PDZD8: variants seen among roughly 807,000 people sequenced by gnomAD.
PDZD8 encodes PDZ domain containing 8.
A neutral mutation model predicts 85.8 loss-of-function variants in PDZD8; 14 were observed. That is an observed-to-expected ratio of 0.16 (90% confidence interval 0.11 to 0.26). PDZD8 has a LOEUF of 0.26. Ranked by LOEUF, PDZD8 falls within the 10% of genes least tolerant of loss-of-function variation. The pLI is 1.00. For synonymous variants in PDZD8, 592 were observed against 568.6 expected, an observed-to-expected ratio of 1.04 and a Z score of -0.59; for missense variants, 1,197 against 1,424.3, an observed-to-expected ratio of 0.84 and a Z score of 2.57.
intron 1 of PDZD8, among the ~76,000 whole-genome samples, chr10:117,345,906 T>A (rs985864455): frequency 8.5e-5 from 13 of 152,118 alleles, no homozygotes; most frequent in African/African-American, 3.1e-4. Flanking sequence ...CATAAATATG[T>A]TCATGGAAAA....
chr10:117,321,432 G>A (rs181613434), intron 2 of PDZD8, among the ~76,000 whole-genome samples: 16 of 152,186 alleles, frequency 1.1e-4, no homozygotes, highest in Admixed American at 2.0e-4. Context: ...AAAATATCTT[G>A]AATAGGCAAA....
At chr10:117,336,857 T>C (rs777546280) in intron 2 of PDZD8, among the ~76,000 whole-genome samples, 2 of 151,936 alleles carry the variant, frequency 1.3e-5, no homozygotes, top group African/African-American at 2.4e-5. Flanking sequence ...ACTGCTGTGG[T>C]TTTCTGTATT....
At chr10:117,367,823 G>A (rs1216967946) in intron 1 of PDZD8, among the ~76,000 whole-genome samples, 1 of 152,036 alleles carries the variant, frequency 6.6e-6, no homozygotes, top group Non-Finnish European at 1.5e-5. Context: ...GGGAGGCTGA[G>A]GCAGGAGAAC....
rs1466828287 is a variant in PDZD8, at chr10:117,285,192, T to C, written c.1541A>G (p.Glu514Gly). The C allele has an allele frequency of 6.2e-7, 1 of 1,614,202 alleles. No homozygotes were observed. The highest frequency in any genetic ancestry group is 1.1e-5 in the South Asian group (1 of 91,090). Residue 514 changes from glutamate to glycine, a missense_variant, in exon 5 of 5, where the codon GAG (glutamate) becomes GGG (glycine). Glu to Gly is a moderately conservative substitution (Grantham distance 98). This residue lies in a region of PDZD8 where 263 missense variants were observed against 261.9 expected (regional missense o/e 1.00). Coordinates refer to ENST00000334464, the MANE Select transcript of PDZD8 (RefSeq NM_173791.5). ...GGGACTATGACTTAATGATTGTGCC[T>C]CATCTTTGAACTCATTTTGTGCTCT... Reference protein sequence around the residue: ...DVRAQNEFKDEAQSLSHSPKR... With the variant: ...DVRAQNEFKDGAQSLSHSPKR...
At chr10:117,319,024 T>A in intron 2 of PDZD8, 50 bp from the exon 3 acceptor site, 1 of 1,277,382 alleles carries the variant, frequency 7.8e-7, no homozygotes, top group Non-Finnish European at 1.1e-6. Context: ...TTATATTCAT[T>A]AAAATTTTTC....
chr10:117,301,276 G>A (rs1329270940), intron 3 of PDZD8, among the ~76,000 whole-genome samples: 5 of 152,104 alleles, frequency 3.3e-5, no homozygotes, highest in South Asian at 2.1e-4. Flanking sequence ...GAGCCACTGC[G>A]CCTGGCCAAA....
intron 3 of PDZD8, among the ~76,000 whole-genome samples, chr10:117,308,081 T>G (rs1843973592): frequency 6.6e-6 from 1 of 152,174 alleles, no homozygotes; most frequent in Non-Finnish European, 1.5e-5. Context: ...GATATTAATA[T>G]TCTTTATTCC....
intron 1 of PDZD8, among the ~76,000 whole-genome samples, chr10:117,344,488 C>T (rs112653841): frequency 0.22 from 33,038 of 152,118 alleles, 4,043 homozygotes; most frequent in Middle Eastern, 0.34. Context: ...CCTGGGTTCA[C>T]GCCATTCTCC....
intron 3 of PDZD8, among the ~76,000 whole-genome samples, chr10:117,296,100 T>C (rs2133773084): frequency 6.6e-6 from 1 of 152,084 alleles, no homozygotes; most frequent in African/African-American, 2.4e-5. Flanking sequence ...AAACAACTAT[T>C]AGAGCTATTA....
rs1844806448 is a variant in PDZD8 at position 117,351,582 on chromosome 10, T to G, written c.873-10480A>C. ...CTCTGTTGCTTGTTTTGAATGCTGA[T>G]TTCATGAGTTTGTTCACTTTGTAGA... On this transcript the variant is annotated intron_variant, in intron 1 of 4. Coordinates refer to ENST00000334464, the MANE Select transcript of PDZD8 (RefSeq NM_173791.5). Among the ~76,000 whole-genome samples the G allele has an allele frequency of 2.0e-5, 3 of 152,358 alleles. 1 individual carries two copies. The South Asian group carries it at 6.2e-4, about 32-fold the overall frequency.
chr10:117,325,556 C>T (rs1468497159), intron 2 of PDZD8, among the ~76,000 whole-genome samples: 2 of 151,862 alleles, frequency 1.3e-5, no homozygotes, highest in Non-Finnish European at 2.9e-5. Flanking sequence ...GCGCGTGCCA[C>T]CATGCCTGGC....
At chr10:117,328,228 A>G (rs1844350378) in intron 2 of PDZD8, among the ~76,000 whole-genome samples, 1 of 152,156 alleles carries the variant, frequency 6.6e-6, no homozygotes, top group Non-Finnish European at 1.5e-5. Context: ...CAAGTTCCAG[A>G]TTTGGTTTCT....
At chr10:117,315,539 G>A (rs540083001) in intron 3 of PDZD8, among the ~76,000 whole-genome samples, 1 of 139,336 alleles carries the variant, frequency 7.2e-6, no homozygotes, top group South Asian at 2.3e-4. Context: ...GCAGTGAGCT[G>A]AGACTGCGCC....
chr10:117,361,769 CTG>C (rs533933547), intron 1 of PDZD8, among the ~76,000 whole-genome samples: 111 of 152,250 alleles, frequency 7.3e-4, no homozygotes, highest in African/African-American at 2.6e-3. Flanking sequence ...AAAAAAAAGA[CTG>C]TTGCGACTGT....
intron 3 of PDZD8, among the ~76,000 whole-genome samples, chr10:117,310,057 T>C (rs1385172345): frequency 2.0e-5 from 3 of 152,140 alleles, no homozygotes; most frequent in Non-Finnish European, 4.4e-5. Flanking sequence ...GTCCGACCTT[T>C]TTATTCTTGT....
chr10:117,291,390 C>A (rs575923899), intron 3 of PDZD8, among the ~76,000 whole-genome samples: 6 of 151,326 alleles, frequency 4.0e-5, no homozygotes, highest in Non-Finnish European at 8.8e-5. Context: ...ATTAGCCAGG[C>A]GTGGTGGCAG....
chr10:117,356,451 T>A lies in PDZD8; in HGVS notation c.873-15349A>T, dbSNP rs545493175. ...AGGTAATTCCACAGATATCCAAATA[T>A]TTAAATCGTTTCATTTTACTGATGA... On this transcript the variant is annotated intron_variant, in intron 1 of 4. Coordinates refer to ENST00000334464, the MANE Select transcript of PDZD8 (RefSeq NM_173791.5). Among the ~76,000 whole-genome samples, 35 of 152,258 alleles carry A rather than the reference T, an allele frequency of 2.3e-4. 1 individual carries two copies. In the South Asian group the frequency reaches 7.3e-3, roughly 32 times the overall value.
At chr10:117,326,034 T>C (rs1281497692) in intron 2 of PDZD8, among the ~76,000 whole-genome samples, 3 of 152,164 alleles carry the variant, frequency 2.0e-5, no homozygotes, top group African/African-American at 7.2e-5. Context: ...CCTGTCACCT[T>C]GTGAAGAAGG....
Position 117,372,437 on chromosome 10 carries a change from TCTCA to T in PDZD8, c.872+1915_872+1918del, listed in dbSNP as rs1564716895. 5.9e-5 allele frequency among the ~76,000 whole-genome samples: 9 copies of T among 152,190 alleles called. 1 individual carries two copies. Among genetic ancestry groups the T allele is most frequent in the Admixed American group, 5.9e-4 (9 of 15,280 alleles). ...AAAAAAATCTCAAAATGATATGTAA[TCTCA>T]CTGTCATTGGCTAGTCTACAAATTT... On this transcript the variant is annotated intron_variant, in intron 1 of 4. Coordinates refer to ENST00000334464, the MANE Select transcript of PDZD8 (RefSeq NM_173791.5).
Sources: allele counts gnomAD v4.1 joint callset (sites outside exome capture counted in the v4.1 genomes callset), GRCh38; gene constraint gnomAD v4.1.1; regional missense constraint gnomAD v4.1.1; transcripts MANE v1.5; gene names NCBI Gene and HGNC (gene_info 2026-07-23, HGNC 2026-07-21).